CLASP1: variants seen among roughly 807,000 people sequenced by gnomAD.
CLASP1 encodes the protein cytoplasmic linker associated protein 1, also known as CLIP-associating protein 1.
In CLASP1, 38 loss-of-function variants were observed where a neutral mutation model predicts 192.3. The ratio of observed to expected loss-of-function variants is 0.20; its 90% CI spans 0.15 to 0.26. The LOEUF (loss-of-function observed/expected upper bound fraction) is 0.26, where lower values mean the gene tolerates loss of function less well. Among genes scored for constraint, CLASP1 ranks in the 10% least tolerant of loss-of-function variants. The probability of loss-of-function intolerance (pLI) is 1.00; values close to 1 mark genes in which losing one functional copy is unlikely to be tolerated. For synonymous variants in CLASP1, 691 were observed against 712.8 expected (o/e 0.97, Z 0.49); for missense variants, 1,433 against 1,932.5 (o/e 0.74, Z 4.85).
intron 19 of CLASP1, among the ~76,000 whole-genome samples, chr2:121,436,223 G>C (rs1559183321): frequency 6.6e-6 from 1 of 151,938 alleles, no homozygotes; most frequent in Non-Finnish European, 1.5e-5. Context: ...GTGGAGACAG[G>C]GTTTTGCCAT....
chr2:121,620,667 G>A (rs1268227398), intron 1 of CLASP1, among the ~76,000 whole-genome samples: 2 of 152,130 alleles, frequency 1.3e-5, no homozygotes, highest in Admixed American at 1.3e-4. Flanking sequence ...TTTCATGGAT[G>A]TACTGGCCAT....
chr2:121,430,320 C>G (rs2081166960), intron 19 of CLASP1, 143 bp from the exon 20 acceptor site: 2 of 626,120 alleles, frequency 3.2e-6, no homozygotes, highest in Non-Finnish European at 5.6e-6. Context: ...ATCCTCCACA[C>G]GAGGTCTGCC....
At chr2:121,384,715 T>C (rs1231233835) in intron 32 of CLASP1, among the ~76,000 whole-genome samples, 1 of 152,082 alleles carries the variant, frequency 6.6e-6, no homozygotes, top group Non-Finnish European at 1.5e-5. Context: ...ACTCCGTTTC[T>C]ACTAAAAATA....
At chr2:121,548,032 C>G (rs983691588) in intron 2 of CLASP1, among the ~76,000 whole-genome samples, 1 of 152,178 alleles carries the variant, frequency 6.6e-6, no homozygotes, top group Non-Finnish European at 1.5e-5. Context: ...CCAACAACCA[C>G]ACCAGTTCTC....
intron 34 of CLASP1, among the ~76,000 whole-genome samples, chr2:121,369,403 T>C (rs546276980): frequency 1.3e-5 from 2 of 152,336 alleles, no homozygotes; most frequent in African/African-American, 4.8e-5. Context: ...AATTCATGGA[T>C]GGTTTTAATT....
intron 22 of CLASP1, among the ~76,000 whole-genome samples, chr2:121,419,138 T>C (rs916921661): frequency 1.2e-4 from 18 of 152,188 alleles, no homozygotes; most frequent in African/African-American, 4.1e-4. Flanking sequence ...TGCACTTGTT[T>C]CTTAGAAAGG....
chr2:121,478,742 C>A (rs930480387), intron 8 of CLASP1, among the ~76,000 whole-genome samples: 20 of 45,084 alleles, frequency 4.4e-4, no homozygotes, highest in African/African-American at 6.9e-4. Context: ...CACACACACC[C>A]CACACACACC....
intron 22 of CLASP1, 62 bp downstream of exon 22, chr2:121,425,077 G>T: frequency 1.4e-6 from 2 of 1,459,114 alleles, no homozygotes; most frequent in South Asian, 1.3e-5. Flanking sequence ...ATAGTCATTA[G>T]ATTATAATCA....
intron 39 of CLASP1, among the ~76,000 whole-genome samples, chr2:121,346,107 T>C (rs535141679): frequency 9.8e-5 from 15 of 152,318 alleles, no homozygotes; most frequent in Admixed American, 6.5e-4. Context: ...TGGGCCCCAC[T>C]TGCCAATTCC....
At chr2:121,531,054 C>G (rs192603981) in intron 2 of CLASP1, 3 of 696,740 alleles carry the variant, frequency 4.3e-6, no homozygotes, top group Non-Finnish European at 7.9e-6. Flanking sequence ...AGCAGTAATT[C>G]GTAAATAAAC....
chr2:121,532,880 T>A (rs1468509824), intron 2 of CLASP1, among the ~76,000 whole-genome samples: 1 of 152,234 alleles, frequency 6.6e-6, no homozygotes, highest in South Asian at 2.1e-4. Flanking sequence ...TAAAAAAGTT[T>A]ATTTTTTAAA....
At chr2:121,522,137 C>T (rs191692082) in intron 6 of CLASP1, among the ~76,000 whole-genome samples, 5 of 152,068 alleles carry the variant, frequency 3.3e-5, no homozygotes, top group East Asian at 1.9e-4. Context: ...TGTGTGTGTG[C>T]GCGCACGTGT....
At chr2:121,421,785 C>T (rs1472882758) in intron 22 of CLASP1, among the ~76,000 whole-genome samples, 1 of 152,174 alleles carries the variant, frequency 6.6e-6, no homozygotes, top group Non-Finnish European at 1.5e-5. Flanking sequence ...TCAAGGGATT[C>T]ATCCACCTCG....
At position 121,551,053 on chromosome 2, in the gene CLASP1, G is replaced by C. The variant is rs186496236; in HGVS notation, c.196-20728C>G. On this transcript the variant is annotated intron_variant, in intron 2 of 39. Transcript: ENST00000263710. The stretch of plus-strand genomic sequence containing the variant: ...AATAAGCTTCATCCCTGGGATGCAA[G>C]GTTGGTTCAACATACGCAAATCAAT... Among the ~76,000 whole-genome samples, 7 of 152,288 alleles carry C rather than the reference G, an allele frequency of 4.6e-5. No homozygotes were observed. The East Asian group carries it at 1.3e-3, about 29-fold the overall frequency.
At position 121,616,040 on chromosome 2, in the gene CLASP1, G is replaced by A. The variant is rs547717334; in HGVS notation, c.-285-9860C>T. ...TAAGAAGGAGAAAATTAAGAAACAC[G>A]AAGTCAAATCATAAATAAGGAGTTC... On this transcript the variant is annotated intron_variant, in intron 1 of 39. Transcript: ENST00000263710. 4.6e-5 allele frequency among the ~76,000 whole-genome samples: 7 copies of A among 152,216 alleles called. No homozygotes were observed. In the East Asian group the frequency reaches 1.2e-3, roughly 25 times the overall value.
At chr2:121,449,316 G>A (rs1242112896) in intron 16 of CLASP1, among the ~76,000 whole-genome samples, 196 bp from the exon 17 acceptor site, 1 of 152,090 alleles carries the variant, frequency 6.6e-6, no homozygotes, top group Non-Finnish European at 1.5e-5. Context: ...TTTAGACTAT[G>A]GGCAAGTCAC....
At chr2:121,565,973 G>A (rs933914505) in intron 2 of CLASP1, among the ~76,000 whole-genome samples, 1 of 152,222 alleles carries the variant, frequency 6.6e-6, no homozygotes, top group African/African-American at 2.4e-5. Flanking sequence ...CTTTCTTGCA[G>A]GGTTGTTTCA....
intron 19 of CLASP1, among the ~76,000 whole-genome samples, chr2:121,441,389 T>TG (rs2083314541): frequency 6.6e-6 from 1 of 152,164 alleles, no homozygotes. Flanking sequence ...CAGAGGAACT[T>TG]GATCATTTCT....
intron 8 of CLASP1, among the ~76,000 whole-genome samples, chr2:121,494,529 A>G (rs1406499251): frequency 6.6e-6 from 1 of 152,210 alleles, no homozygotes; most frequent in Non-Finnish European, 1.5e-5. Context: ...AAGATCTAGT[A>G]TTTGATAGCA....
Sources: allele counts gnomAD v4.1 joint callset (sites outside exome capture counted in the v4.1 genomes callset), GRCh38; gene constraint gnomAD v4.1.1; transcripts MANE v1.5; gene names NCBI Gene and HGNC (gene_info 2026-07-23, HGNC 2026-07-21).